OLFM3: variants seen among roughly 807,000 people sequenced by gnomAD.
OLFM3 encodes noelin-3.
Under a neutral mutation model 48.6 loss-of-function variants are expected in OLFM3, and 20 were observed. The observed-to-expected ratio is 0.41, with a 90% CI of 0.29 to 0.60. The LOEUF is 0.60. OLFM3 is among the 20% of genes least tolerant of loss of function. The pLI is 0.28. For synonymous variants in OLFM3, 222 were observed against 198.1 expected (o/e 1.12, Z -1.01); for missense variants, 437 against 544.3 (o/e 0.80, Z 1.96).
intron 1 of OLFM3, among the ~76,000 whole-genome samples, chr1:101,926,345 A>G (rs1471881242): frequency 6.6e-6 from 1 of 152,114 alleles, no homozygotes; most frequent in Non-Finnish European, 1.5e-5. Context: ...TATTTACACT[A>G]TCTTGTCTTA....
chr1:101,965,678 A>G (rs141628015), intron 1 of OLFM3, among the ~76,000 whole-genome samples: 49 of 152,358 alleles, frequency 3.2e-4, no homozygotes, highest in African/African-American at 1.2e-3. Context: ...TCATTAGTTC[A>G]AATAACACAA....
At chr1:101,938,453 C>G (rs938023055) in intron 1 of OLFM3, among the ~76,000 whole-genome samples, 5 of 152,204 alleles carry the variant, frequency 3.3e-5, no homozygotes, top group Admixed American at 2.0e-4. Flanking sequence ...TCTCCACTTT[C>G]GCCTTCTTTA....
chr1:101,925,410 G>C (rs1328193630), intron 1 of OLFM3, among the ~76,000 whole-genome samples: 1 of 151,932 alleles, frequency 6.6e-6, no homozygotes, highest in Non-Finnish European at 1.5e-5. Flanking sequence ...TGTATTCCCA[G>C]ATTTCATAGT....
chr1:101,818,501 G>A (rs1012505576), intron 4 of OLFM3, among the ~76,000 whole-genome samples: 2 of 152,036 alleles, frequency 1.3e-5, no homozygotes, highest in African/African-American at 2.4e-5. Context: ...CTTATTTGAA[G>A]ATTCAATTTA....
chr1:101,916,061 C>A (rs190677762), intron 1 of OLFM3, among the ~76,000 whole-genome samples: 1 of 152,202 alleles, frequency 6.6e-6, no homozygotes, highest in Non-Finnish European at 1.5e-5. Context: ...CAATGGGAAA[C>A]TGTGACTTAC....
At chr1:101,889,940 TGGA>T (rs1240284504) in intron 1 of OLFM3, among the ~76,000 whole-genome samples, 1 of 151,902 alleles carries the variant, frequency 6.6e-6, no homozygotes, top group Non-Finnish European at 1.5e-5. Context: ...CAGAAAAGAG[TGGA>T]GAACAAATAT....
intron 1 of OLFM3, among the ~76,000 whole-genome samples, chr1:101,980,035 G>A (rs886772874): frequency 8.5e-5 from 13 of 152,288 alleles, no homozygotes; most frequent in African/African-American, 1.9e-4. Flanking sequence ...TCAGAGTTGG[G>A]TAGGGCCTGT....
intron 5 of OLFM3, among the ~76,000 whole-genome samples, chr1:101,805,779 C>T (rs901591804): frequency 6.6e-6 from 1 of 151,600 alleles, no homozygotes; most frequent in Admixed American, 6.6e-5. Context: ...TGTTTTCATA[C>T]TAAACATATT....
At chr1:101,946,858 A>G (rs1198528851) in intron 1 of OLFM3, among the ~76,000 whole-genome samples, 1 of 152,218 alleles carries the variant, frequency 6.6e-6, no homozygotes, top group Non-Finnish European at 1.5e-5. Flanking sequence ...ACTTACAATG[A>G]TTGAACAAGT....
chr1:101,817,081 G>T (rs1330145143), intron 4 of OLFM3, among the ~76,000 whole-genome samples: 1 of 152,090 alleles, frequency 6.6e-6, no homozygotes, highest in Non-Finnish European at 1.5e-5. Context: ...GTAAAATGTG[G>T]TAAAATAAAA....
intron 4 of OLFM3, among the ~76,000 whole-genome samples, chr1:101,819,808 T>A: frequency 6.6e-6 from 1 of 152,092 alleles, no homozygotes; most frequent in East Asian, 1.9e-4. Flanking sequence ...TGATTGCCTC[T>A]AACATGAATC....
intron 1 of OLFM3, among the ~76,000 whole-genome samples, chr1:101,958,503 T>C (rs1660367106): frequency 6.6e-6 from 1 of 152,096 alleles, no homozygotes; most frequent in South Asian, 2.1e-4. Flanking sequence ...CTGTCTACAA[T>C]ACCACATTGT....
intron 4 of OLFM3, among the ~76,000 whole-genome samples, chr1:101,814,266 GTT>G (rs67937847): frequency 2.4e-4 from 34 of 139,176 alleles, no homozygotes; most frequent in African/African-American, 7.2e-4. Context: ...CCCAGCTAAG[GTT>G]TTTTTTTTTT....
chr1:101,901,347 C>T (rs1658380566), intron 1 of OLFM3, among the ~76,000 whole-genome samples: 1 of 151,788 alleles, frequency 6.6e-6, no homozygotes, highest in Admixed American at 6.6e-5. Flanking sequence ...AGACAAAAAC[C>T]TAAGAGAAAA....
intron 1 of OLFM3, among the ~76,000 whole-genome samples, chr1:101,969,731 G>C (rs116801960): frequency 0.027 from 4,119 of 151,762 alleles, 69 homozygotes; most frequent in Admixed American, 0.035. Flanking sequence ...TCCCTCTTTG[G>C]GCTTTTTTTC....
At chr1:101,826,129 A>C (rs1344469064) in intron 3 of OLFM3, among the ~76,000 whole-genome samples, 1 of 132,986 alleles carries the variant, frequency 7.5e-6, no homozygotes, top group African/African-American at 2.9e-5. Flanking sequence ...ACTTTCGTCA[A>C]ACACACACAC....
intron 1 of OLFM3, among the ~76,000 whole-genome samples, chr1:101,926,306 T>C (rs1461401673): frequency 6.6e-6 from 1 of 152,202 alleles, no homozygotes; most frequent in African/African-American, 2.4e-5. Flanking sequence ...CTATATCTAA[T>C]ACTGTAGTCT....
At chr1:101,968,600 C>T (rs957263440) in intron 1 of OLFM3, among the ~76,000 whole-genome samples, 6 of 150,322 alleles carry the variant, frequency 4.0e-5, no homozygotes, top group Non-Finnish European at 7.4e-5. Flanking sequence ...CCATTATACC[C>T]TTGCCTTTTC....
intron 1 of OLFM3, among the ~76,000 whole-genome samples, chr1:101,875,819 A>G (rs1657277868): frequency 6.6e-6 from 1 of 152,006 alleles, no homozygotes; most frequent in Admixed American, 6.6e-5. Flanking sequence ...AATGGCCCTG[A>G]CAGTTTTAAA....
Sources: allele counts gnomAD v4.1 joint callset (sites outside exome capture counted in the v4.1 genomes callset), GRCh38; gene constraint gnomAD v4.1.1; transcripts MANE v1.5; gene names NCBI Gene and HGNC (gene_info 2026-07-23, HGNC 2026-07-21).